MAMDC2: variants seen among roughly 807,000 people sequenced by gnomAD.
MAMDC2 encodes the protein MAM domain containing 2.
A neutral mutation model predicts 89.8 loss-of-function variants in MAMDC2; 57 were observed. The ratio of observed to expected loss-of-function variants is 0.63; its 90% CI spans 0.51 to 0.79. The LOEUF (loss-of-function observed/expected upper bound fraction) is 0.79, where lower values mean the gene tolerates loss of function less well. Ranked by LOEUF, MAMDC2 falls within the 30% of genes least tolerant of loss-of-function variation. The pLI is 0.00. For missense variants in MAMDC2, 800 were observed against 820.6 expected, an observed-to-expected ratio of 0.97 and a Z score of 0.31; for synonymous variants, 313 against 293.4, an observed-to-expected ratio of 1.07 and a Z score of -0.68.
chr9:70,210,080 G>A (rs1325941797), intron 11 of MAMDC2, among the ~76,000 whole-genome samples: 2 of 152,220 alleles, frequency 1.3e-5, no homozygotes, highest in Admixed American at 6.5e-5. Context: ...TGGAATAAGT[G>A]CAATGTGGTG....
chr9:70,202,912 A>G (rs2033134165), intron 11 of MAMDC2, among the ~76,000 whole-genome samples: 1 of 149,012 alleles, frequency 6.7e-6, no homozygotes, highest in Admixed American at 6.7e-5. Flanking sequence ...TGCTTGGTAG[A>G]TCTTCCTCCA....
intron 11 of MAMDC2, among the ~76,000 whole-genome samples, chr9:70,212,978 C>G (rs1016652149): frequency 6.6e-6 from 1 of 152,186 alleles, no homozygotes; most frequent in Non-Finnish European, 1.5e-5. Flanking sequence ...TTGGGAAGAA[C>G]TGGTCAACCA....
intron 9 of MAMDC2, among the ~76,000 whole-genome samples, chr9:70,152,968 C>T (rs2031631011): frequency 1.3e-5 from 2 of 152,038 alleles, no homozygotes; most frequent in South Asian, 4.2e-4. Context: ...TTTTCTTAGT[C>T]CTGATCCCCA....
At chr9:70,047,839 C>T (rs1224592522) in intron 2 of MAMDC2, among the ~76,000 whole-genome samples, 7 of 152,150 alleles carry the variant, frequency 4.6e-5, no homozygotes, top group Admixed American at 4.6e-4. Flanking sequence ...CTCTAAATAT[C>T]CCCTTTGCTG....
chr9:70,134,504 G>C (rs1263135993), intron 7 of MAMDC2, among the ~76,000 whole-genome samples: 1 of 152,004 alleles, frequency 6.6e-6, no homozygotes, highest in Non-Finnish European at 1.5e-5. Flanking sequence ...CAAACTGAGA[G>C]CTCTACTGCT....
chr9:70,189,919 T>C (rs1358813583), intron 11 of MAMDC2, among the ~76,000 whole-genome samples: 4 of 152,184 alleles, frequency 2.6e-5, no homozygotes, highest in African/African-American at 7.2e-5. Context: ...TTCAAATCTG[T>C]AATTCGTACA....
intron 2 of MAMDC2, among the ~76,000 whole-genome samples, chr9:70,067,627 T>G (rs1827298695): frequency 1.3e-5 from 2 of 152,200 alleles, no homozygotes; most frequent in Non-Finnish European, 2.9e-5. Context: ...GGAGCTCAGG[T>G]GATCCTAGGG....
chr9:70,081,472 C>A (rs148262881), intron 2 of MAMDC2: 2 of 152,040 alleles, frequency 1.3e-5, no homozygotes, highest in Non-Finnish European at 2.9e-5. Flanking sequence ...CCTGCCAGGT[C>A]TCCATGCACC....
At chr9:70,214,303 A>G (rs1016316526) in intron 11 of MAMDC2, among the ~76,000 whole-genome samples, 26 of 152,224 alleles carry the variant, frequency 1.7e-4, no homozygotes, top group Non-Finnish European at 3.5e-4. Flanking sequence ...GACTTAAAGG[A>G]GGTAAGAGAG....
At position 70,109,773 on chromosome 9, in the gene MAMDC2, T is replaced by C. The variant is rs778403552; in HGVS notation, c.474T>C (p.Phe158=). The C allele has an allele frequency of 8.1e-6, 13 of 1,613,912 alleles. No individual in the cohort carries two copies. In the South Asian group the frequency reaches 1.4e-4, roughly 18 times the overall value. ...GAAACACAGCCAGCATCGCACTATT[T>C]GAAATCAAGATGACAACCGGCTACT... is the stretch of plus-strand genomic sequence containing the variant. The part of the protein sequence containing the change: ...GQGNTASIAL[F]EIKMTTGYCI... The change falls in exon 4 of 14, where the codon TTT becomes TTC. Residue 158 remains phenylalanine (F), a synonymous_variant. Transcript: ENST00000377182.
At chr9:70,119,336 A>T (rs1181163456) in intron 5 of MAMDC2, among the ~76,000 whole-genome samples, 12 of 152,192 alleles carry the variant, frequency 7.9e-5, no homozygotes, top group Admixed American at 7.9e-4. Context: ...ATTTAATTCC[A>T]TCAAACATCA....
Position 70,159,079 on chromosome 9 carries a change from C to CACAT in MAMDC2, c.1405-9623_1405-9622insACAT, listed in dbSNP as rs1342129490. ...ACACACACACACACACACACACACA[C>CACAT]GTATAACATTACCCTGGAAAGGTGA... On this transcript the variant is annotated intron_variant, in intron 9 of 13. Transcript: ENST00000377182. 2.7e-3 allele frequency among the ~76,000 whole-genome samples: 404 copies of CACAT among 150,390 alleles called. 10 individuals carry two copies. The highest frequency in any genetic ancestry group is 8.9e-3 in the African/African-American group (360 of 40,672).
chr9:70,224,141 T>C (rs2033609815), intron 12 of MAMDC2, among the ~76,000 whole-genome samples: 2 of 152,178 alleles, frequency 1.3e-5, no homozygotes, highest in Admixed American at 1.3e-4. Flanking sequence ...GGACATTTTT[T>C]CCCTCTTCTT....
At chr9:70,044,879 G>T (rs544773267) in intron 2 of MAMDC2, among the ~76,000 whole-genome samples, 182 bp downstream of exon 2, 62 of 152,362 alleles carry the variant, frequency 4.1e-4, no homozygotes, top group African/African-American at 1.3e-3. Flanking sequence ...GGAACGGGGC[G>T]GGCGGGAGGC....
chr9:70,107,851 C>T (rs1317202134), intron 2 of MAMDC2, among the ~76,000 whole-genome samples: 1 of 152,206 alleles, frequency 6.6e-6, no homozygotes, highest in African/African-American at 2.4e-5. Flanking sequence ...CTATGGGGAC[C>T]AGGGAGATGA....
chr9:70,108,444 G>A lies in MAMDC2; in HGVS notation c.382G>A (p.Ala128Thr), dbSNP rs1563957676. ...GGAACCTTCAGACAGCTGGCTCATAGCCAGCTTGGATTTGCAAAACAGTTC... is the reference window on the plus strand; with the variant it reads ...GGAACCTTCAGACAGCTGGCTCATAACCAGCTTGGATTTGCAAAACAGTTC... ...AKEPSDSWLI[A>T]SLDLQNSSKK... Residue 128 changes from alanine (A) to threonine (T), a missense_variant, in exon 3 of 14, where the codon GCC becomes ACC. Physicochemically the swap from Ala to Thr is moderately conservative, Grantham distance 58. Coordinates refer to ENST00000377182, the MANE Select transcript of MAMDC2 (RefSeq NM_153267.5). 1 of 1,608,440 alleles carries A rather than the reference G, an allele frequency of 6.2e-7. No homozygotes were observed. Among genetic ancestry groups the A allele is most frequent in the Non-Finnish European group, 8.5e-7 (1 of 1,178,354 alleles).
intron 9 of MAMDC2, among the ~76,000 whole-genome samples, chr9:70,158,044 C>T (rs2031825613): frequency 6.6e-6 from 1 of 152,108 alleles, no homozygotes; most frequent in Non-Finnish European, 1.5e-5. Context: ...GTAACCTTGA[C>T]CTCTGCAAGG....
intron 11 of MAMDC2, 104 bp downstream of exon 11, chr9:70,170,735 T>A: frequency 9.0e-7 from 1 of 1,107,794 alleles, no homozygotes; most frequent in Non-Finnish European, 1.3e-6. Context: ...GTCTTGTGTC[T>A]ATAATGAAAT....
In MAMDC2 at chr9:70,162,165, T is replaced by C. The variant is rs962133308; in HGVS notation, c.1405-6537T>C. On this transcript the variant is annotated intron_variant, in intron 9 of 13. Coordinates refer to ENST00000377182, the MANE Select transcript of MAMDC2 (RefSeq NM_153267.5). ...ATTAACCCAACAACCTAGTCTACCA[T>C]GTCTATCAAGCAGGTCATGGAATCT... 2.0e-5 allele frequency among the ~76,000 whole-genome samples: 3 copies of C among 152,190 alleles called. No individual in the cohort carries two copies. The South Asian group carries it at 6.2e-4, about 32-fold the overall frequency.
Sources: gnomAD v4.1 joint callset for allele counts (sites outside exome capture counted in the v4.1 genomes callset) on GRCh38, gnomAD v4.1.1 for gene constraint, MANE v1.5 for transcripts, NCBI Gene and HGNC (gene_info 2026-07-23, HGNC 2026-07-21) for gene names.